The following ATP11B variants were observed in gnomAD, a reference collection of about 807,000 sequenced individuals.
ATP11B encodes phospholipid-transporting ATPase IF.
ATP11B carries 81 observed loss-of-function variants against 157.8 expected under a neutral mutation model. The ratio of observed to expected loss-of-function variants is 0.51; its 90% CI spans 0.43 to 0.62. The LOEUF (loss-of-function observed/expected upper bound fraction) is 0.62, where lower values mean the gene tolerates loss of function less well. Among genes scored for constraint, ATP11B ranks in the 20% least tolerant of loss-of-function variants. The probability of loss-of-function intolerance (pLI) is 0.00; values close to 1 mark genes in which losing one functional copy is unlikely to be tolerated. For synonymous variants in ATP11B, 451 were observed against 469.4 expected, an observed-to-expected ratio of 0.96 and a Z score of 0.51; for missense variants, 1,165 against 1,402.2, an observed-to-expected ratio of 0.83 and a Z score of 2.70.
chr3:182,916,149 T>G, intron 29 of ATP11B: 1 of 985,356 alleles, frequency 1.0e-6, no homozygotes, highest in African/African-American at 1.7e-5. Flanking sequence ...GCAAAGTCAT[T>G]TTGATACATA....
intron 10 of ATP11B, among the ~76,000 whole-genome samples, chr3:182,850,456 G>A (rs1485135658): frequency 1.3e-5 from 2 of 151,980 alleles, no homozygotes; most frequent in African/African-American, 2.4e-5. Flanking sequence ...CTGGGCAACA[G>A]AGCGAGACTC....
intron 15 of ATP11B, 86 bp downstream of exon 15, chr3:182,867,530 C>CA (rs1443616710): frequency 2.9e-6 from 2 of 690,878 alleles, no homozygotes; most frequent in Admixed American, 5.4e-5. Flanking sequence ...GCTCACAGGG[C>CA]AAATGTGGCC....
At chr3:182,793,839 G>T in intron 1 of ATP11B, 53 bp downstream of exon 1, 1 of 1,181,830 alleles carries the variant, frequency 8.5e-7, no homozygotes, top group Non-Finnish European at 1.1e-6. Context: ...GGGGCCTCTC[G>T]GCCCGGGGTG....
At chr3:182,813,521 TC>T (rs1344837593) in intron 1 of ATP11B, among the ~76,000 whole-genome samples, 2 of 152,130 alleles carry the variant, frequency 1.3e-5, no homozygotes, top group Non-Finnish European at 2.9e-5. Context: ...CAGGAATGGA[TC>T]CCCACCAACT....
intron 7 of ATP11B, among the ~76,000 whole-genome samples, chr3:182,838,764 AAC>A (rs149022026): frequency 0.13 from 20,152 of 150,988 alleles, 1,607 homozygotes; most frequent in African/African-American, 0.23. Flanking sequence ...ATGTGCTTGT[AAC>A]ACATATATGT....
At position 182,889,523 on chromosome 3, in the gene ATP11B, A is replaced by G. The variant is rs192640610; in HGVS notation, c.2957A>G (p.Asp986Gly). 3.8e-5 allele frequency: 60 copies of G among 1,562,044 alleles called. No individual in the cohort carries two copies. In the African/African-American group the frequency reaches 7.6e-4, roughly 20 times the overall value. The change falls in exon 25 of 30, where the codon GAT becomes GGT. Residue 986 changes from aspartate (D) to glycine (G), a missense_variant. Coordinates refer to ENST00000323116, the MANE Select transcript of ATP11B (RefSeq NM_014616.3). ...FFGSYLLIGK[D>G]TSLLGNGQMF... ...GGATCCTATTTACTAATAGGGAAAG[A>G]TACATCTCTGCTTGGAAATGGCCAG...
intron 8 of ATP11B, among the ~76,000 whole-genome samples, chr3:182,845,074 G>A (rs989471441): frequency 2.0e-5 from 3 of 148,546 alleles, no homozygotes; most frequent in East Asian, 3.9e-4. Context: ...GCGCAATCTC[G>A]GCTCACTGCA....
At chr3:182,878,433 A>G (rs547703299) in intron 19 of ATP11B, among the ~76,000 whole-genome samples, 3 of 152,352 alleles carry the variant, frequency 2.0e-5, no homozygotes, top group Non-Finnish European at 4.4e-5. Flanking sequence ...TTTCAGCAAC[A>G]TAAAGGAGCT....
chr3:182,914,380 A>G (rs1725008134), intron 29 of ATP11B: 2 of 986,966 alleles, frequency 2.0e-6, no homozygotes, highest in Non-Finnish European at 2.4e-6. Context: ...TGTCTTTACA[A>G]AATAATCTCA....
chr3:182,793,702 C>T lies in ATP11B; in HGVS notation c.-58C>T, dbSNP rs1200882774. 2.3e-6 allele frequency: 3 copies of T among 1,286,792 alleles called. No homozygotes were observed. The highest frequency in any genetic ancestry group is 3.1e-5 in the African/African-American group (2 of 64,752). The allele number at this position is 1,286,792 out of a possible 1,614,324, so 79.7% of individuals were successfully genotyped here. The stretch of plus-strand genomic sequence containing the variant: ...GCTCCCGCCTCTGTCTTGTCGGCCT[C>T]CACCTGCAGCCCCGCGGCCCCCGCG... On this transcript the variant is annotated 5_prime_UTR_variant, in exon 1 of 30. Coordinates refer to ENST00000323116, the MANE Select transcript of ATP11B (RefSeq NM_014616.3).
At chr3:182,861,723 T>G (rs1720856402) in intron 12 of ATP11B, among the ~76,000 whole-genome samples, 1 of 152,216 alleles carries the variant, frequency 6.6e-6, no homozygotes, top group South Asian at 2.1e-4. Context: ...TTCAAGACAG[T>G]GTTACAACAG....
In ATP11B at chr3:182,837,124, C is replaced by G. The variant is rs1365190697; in HGVS notation, c.606C>G (p.Asp202Glu). ...TATTACAAACAGTTGCCAATTTGGA[C>G]ACTCTAGTAGCTGTAATAGAATGCC... ...TALLQTVANL[D>E]TLVAVIECQQ... Residue 202 changes from aspartate to glutamate, a missense_variant, in exon 7 of 30, where the codon GAC (aspartate) becomes GAG (glutamate). Transcript: ENST00000323116. The G allele has an allele frequency of 6.2e-7, 1 of 1,613,410 alleles. No individual in the cohort carries two copies. Among genetic ancestry groups the G allele is most frequent in the Admixed American group, 1.7e-5 (1 of 59,972 alleles).
intron 1 of ATP11B, among the ~76,000 whole-genome samples, chr3:182,813,126 C>T (rs1447323337): frequency 6.6e-6 from 1 of 152,150 alleles, no homozygotes. Context: ...AGTTGATGAA[C>T]ACTTGGATTG....
rs148596937 is a variant in ATP11B, at chr3:182,867,251, A to G, written c.1620-125A>G. The G allele has an allele frequency of 6.6e-3, 4,436 of 668,494 alleles. 301 individuals carry two copies. In the Admixed American group the frequency reaches 0.11, roughly 17 times the overall value. 41.4% of individuals were successfully genotyped at this position (668,494 alleles called of 1,614,324 possible). On this transcript the variant is annotated intron_variant, in intron 14 of 29. Transcript: ENST00000323116. ...GCACCAAAGTTGTAATATTAAAAGG[A>G]AATATTTTTAAATGCATTTTGAACT...
At chr3:182,849,356 A>G (rs541829598) in intron 10 of ATP11B, among the ~76,000 whole-genome samples, 2 of 152,332 alleles carry the variant, frequency 1.3e-5, no homozygotes, top group South Asian at 2.1e-4. Flanking sequence ...ACTGTCTACA[A>G]TGTATTATTA....
At chr3:182,838,967 C>T (rs1259168727) in intron 7 of ATP11B, among the ~76,000 whole-genome samples, 1 of 151,988 alleles carries the variant, frequency 6.6e-6, no homozygotes, top group Non-Finnish European at 1.5e-5. Context: ...AAAGTTGGGG[C>T]TCTCATATGA....
intron 24 of ATP11B, 134 bp from the exon 25 acceptor site, chr3:182,889,273 ATTC>A (rs1723009665): frequency 4.8e-6 from 3 of 621,740 alleles, no homozygotes; most frequent in South Asian, 2.7e-5. Flanking sequence ...GGATTTATTT[ATTC>A]TTTGTGCTAA....
rs538163301 is a variant in ATP11B, at chr3:182,865,916, G to A, written c.1443+218G>A. Among the ~76,000 whole-genome samples, 165 of 115,370 alleles carry A rather than the reference G, an allele frequency of 1.4e-3. 1 individual carries two copies. Among genetic ancestry groups the A allele is most frequent in the African/African-American group, 4.4e-3 (162 of 36,442 alleles). The allele number at this position is 115,370 out of a possible 152,430, so 75.7% of individuals were successfully genotyped here. A position where few individuals can be genotyped will look rare whatever the true frequency, so the allele number is the denominator to read the frequency against. On this transcript the variant is annotated intron_variant, in intron 13 of 29. Coordinates refer to ENST00000323116, the MANE Select transcript of ATP11B (RefSeq NM_014616.3). ...ATACGTGTCTGCCTTAGCTCTTTGA[G>A]TATTTAAATGGAACGTAGTTAAGAA...
intron 28 of ATP11B, among the ~76,000 whole-genome samples, chr3:182,905,059 T>A (rs1056545731): frequency 1.3e-5 from 2 of 152,138 alleles, no homozygotes; most frequent in African/African-American, 4.8e-5. Flanking sequence ...ACCAAAAAAT[T>A]CTGCTTAGTT....
Sources: gnomAD v4.1 joint callset for allele counts (sites outside exome capture counted in the v4.1 genomes callset) on GRCh38, gnomAD v4.1.1 for gene constraint, MANE v1.5 for transcripts, NCBI Gene and HGNC (gene_info 2026-07-23, HGNC 2026-07-21) for gene names.